PLXNA4: variants seen among roughly 807,000 people sequenced by gnomAD.
The protein encoded by PLXNA4 is plexin A4.
PLXNA4 carries 44 observed loss-of-function variants against 191.8 expected under a neutral mutation model. That is an observed-to-expected ratio of 0.23 (90% confidence interval 0.18 to 0.29). PLXNA4 has a LOEUF of 0.29. Among genes scored for constraint, PLXNA4 ranks in the 10% least tolerant of loss-of-function variants. The pLI is 1.00. For missense variants in PLXNA4, 1,800 were observed against 2,488.8 expected (o/e 0.72, Z 5.89); for synonymous variants, 1,082 against 1,009.5 (o/e 1.07, Z -1.36).
At chr7:132,304,182 G>T (rs1347453412) in intron 3 of PLXNA4, among the ~76,000 whole-genome samples, 1 of 152,132 alleles carries the variant, frequency 6.6e-6, no homozygotes, top group Non-Finnish European at 1.5e-5. Flanking sequence ...TTGGAAAAAG[G>T]GCGTCTGAGG....
rs897241835 is a variant in PLXNA4, at chr7:132,124,309, G to T, written c.*6170C>A. Reference sequence around the variant, plus strand: ...TAGAACGTCGGGGAGGGAGAGGAAAGGAGGACAGACAGATGAGCACGTGTA... The same window carrying T: ...TAGAACGTCGGGGAGGGAGAGGAAATGAGGACAGACAGATGAGCACGTGTA... On this transcript the variant is annotated 3_prime_UTR_variant, in exon 32 of 32. Transcript: ENST00000321063. 6.6e-6 allele frequency: 1 copy of T among 152,202 alleles called. No individual in the cohort carries two copies. Among genetic ancestry groups the T allele is most frequent in the Non-Finnish European group, 1.5e-5 (1 of 68,038 alleles). 9.4% of individuals were successfully genotyped at this position (152,202 alleles called of 1,614,324 possible).
At chr7:132,469,119 CAAAAAAAA>C (rs5887577) in intron 3 of PLXNA4, among the ~76,000 whole-genome samples, 2 of 87,386 alleles carry the variant, frequency 2.3e-5, no homozygotes, top group East Asian at 3.1e-4. Context: ...GCACACCAAC[CAAAAAAAA>C]AAAAAAAAAA....
intron 3 of PLXNA4, among the ~76,000 whole-genome samples, chr7:132,340,647 C>G: frequency 6.6e-6 from 1 of 152,168 alleles, no homozygotes; most frequent in East Asian, 1.9e-4. Context: ...AAATTGGAAA[C>G]AATAAAGAAC....
At chr7:132,542,885 A>G (rs1275921707) in intron 1 of PLXNA4, among the ~76,000 whole-genome samples, 1 of 152,190 alleles carries the variant, frequency 6.6e-6, no homozygotes, top group Non-Finnish European at 1.5e-5. Context: ...GTTTGCTGCC[A>G]AAACTTGTAA....
chr7:132,567,513 G>A (rs1288519906), intron 1 of PLXNA4, among the ~76,000 whole-genome samples: 1 of 152,154 alleles, frequency 6.6e-6, no homozygotes, highest in Admixed American at 6.5e-5. Context: ...CTGACTTGAT[G>A]TGATCCCTAC....
intron 3 of PLXNA4, among the ~76,000 whole-genome samples, chr7:132,311,156 T>TTGTGTGTGTGTGTGTGTGTGTGTGTG (rs749947062): frequency 7.6e-6 from 1 of 132,040 alleles, no homozygotes; most frequent in Non-Finnish European, 1.6e-5. Flanking sequence ...TCTAGGATAA[T>TTGTGTGTGTGTGTGTGTGTGTGTGTG]TGTGTGTGTG....
Position 132,181,411 on chromosome 7 carries a change from C to T in PLXNA4, c.3462G>A (p.Glu1154=). Reference sequence around the variant, plus strand: ...GGATGATGGGCGTGCCAGGCTTGAGCTCCAGGATTCCTGAGGGACCAAAGG... The same window carrying T: ...GGATGATGGGCGTGCCAGGCTTGAGTTCCAGGATTCCTGAGGGACCAAAGG... ...FEAFGPSGIL[E]LKPGTPIILK... is the part of the protein sequence containing the mutation. The change falls in exon 18 of 32, where the codon GAG becomes GAA. Residue 1154 remains glutamate, a synonymous_variant. Coordinates refer to ENST00000321063, the MANE Select transcript of PLXNA4 (RefSeq NM_020911.2). 1 of 1,614,112 alleles carries T rather than the reference C, an allele frequency of 6.2e-7. No individual in the cohort carries two copies. The highest frequency in any genetic ancestry group is 8.5e-7 in the Non-Finnish European group (1 of 1,180,000).
At chr7:132,148,721 T>C (rs989287513) in intron 25 of PLXNA4, 75 bp from the exon 26 acceptor site, 1 of 1,600,084 alleles carries the variant, frequency 6.2e-7, no homozygotes, top group African/African-American at 1.3e-5. Context: ...CCTGTGTAGG[T>C]ACCTATGCAG....
rs372445537 is a variant in PLXNA4 at position 132,340,635 on chromosome 7, G to A, written c.1372-42413C>T. ...GATGGGAAAGAGCACAAGAGAATTG[G>A]GAAATTGGAAACAATAAAGAACCTC... On this transcript the variant is annotated intron_variant, in intron 3 of 31. Transcript: ENST00000321063. 2.0e-5 allele frequency among the ~76,000 whole-genome samples: 3 copies of A among 152,210 alleles called. No individual in the cohort carries two copies. In the East Asian group the frequency reaches 5.8e-4, roughly 29 times the overall value.
chr7:132,324,623 C>T (rs1289149820), intron 3 of PLXNA4, among the ~76,000 whole-genome samples: 2 of 152,172 alleles, frequency 1.3e-5, no homozygotes, highest in African/African-American at 4.8e-5. Flanking sequence ...CAGAATAAAT[C>T]TCCCTCTTCT....
At chr7:132,163,858 C>T (rs1796019939) in intron 24 of PLXNA4, among the ~76,000 whole-genome samples, 1 of 152,222 alleles carries the variant, frequency 6.6e-6, no homozygotes, top group African/African-American at 2.4e-5. Flanking sequence ...GGGTCAAGGG[C>T]TTTGACCCTA....
intron 25 of PLXNA4, among the ~76,000 whole-genome samples, chr7:132,155,695 C>G (rs763308974): frequency 1.3e-5 from 2 of 152,158 alleles, no homozygotes; most frequent in Admixed American, 6.5e-5. Context: ...CCGCTGTGGT[C>G]GCTGTCCTTC....
chr7:132,312,951 T>C (rs1025577008), intron 3 of PLXNA4, among the ~76,000 whole-genome samples: 3 of 152,194 alleles, frequency 2.0e-5, no homozygotes, highest in Non-Finnish European at 2.9e-5. Context: ...AGCTACGTCA[T>C]TGGCAAAGGA....
intron 10 of PLXNA4, among the ~76,000 whole-genome samples, chr7:132,208,574 T>G (rs1797700214): frequency 6.6e-6 from 1 of 151,976 alleles, no homozygotes; most frequent in Non-Finnish European, 1.5e-5. Flanking sequence ...CTCTTCTTGG[T>G]GAAGGGAGCC....
chr7:132,334,446 C>T (rs575186088), intron 3 of PLXNA4, among the ~76,000 whole-genome samples: 6 of 151,462 alleles, frequency 4.0e-5, no homozygotes, highest in Admixed American at 6.6e-5. Context: ...TTTGTAGAGA[C>T]GGTGTCTCAC....
At chr7:132,152,533 C>T (rs755370724) in intron 25 of PLXNA4, among the ~76,000 whole-genome samples, 1 of 152,174 alleles carries the variant, frequency 6.6e-6, no homozygotes, top group Non-Finnish European at 1.5e-5. Flanking sequence ...GCCCTCTTTT[C>T]ACCAGATGGG....
At position 132,146,162 on chromosome 7, in the gene PLXNA4, G is replaced by A. The variant is rs962062125; in HGVS notation, c.5055+348C>T. ...GCCCCGACTTCCCCAACTTGAGATT[G>A]TAGATGATACCACAGAGAAGAAATC... On this transcript the variant is annotated intron_variant, in intron 28 of 31. Coordinates refer to ENST00000321063, the MANE Select transcript of PLXNA4 (RefSeq NM_020911.2). Among the ~76,000 whole-genome samples, 51 of 150,936 alleles carry A rather than the reference G, an allele frequency of 3.4e-4. 1 individual carries two copies. Among genetic ancestry groups the A allele is most frequent in the Middle Eastern group, 3.5e-3 (1 of 286 alleles).
chr7:132,506,378 T>C lies in PLXNA4; in HGVS notation c.1188+1128A>G, dbSNP rs139608205. Among the ~76,000 whole-genome samples, 722 of 152,244 alleles carry C rather than the reference T, an allele frequency of 4.7e-3. 5 individuals are homozygous for C. Among genetic ancestry groups the C allele is most frequent in the African/African-American group, 0.017 (698 of 41,530 alleles). On this transcript the variant is annotated intron_variant, in intron 2 of 31. Transcript: ENST00000321063. Reference sequence around the variant, plus strand: ...TGGAACTCCACCAAAGTTTAAGGAGTCAAGAATCACATCAGTATGGATGCG... The same window carrying C: ...TGGAACTCCACCAAAGTTTAAGGAGCCAAGAATCACATCAGTATGGATGCG...
intron 1 of PLXNA4, among the ~76,000 whole-genome samples, chr7:132,544,150 AAG>A (rs1278354927): frequency 6.6e-6 from 1 of 152,220 alleles, no homozygotes; most frequent in Non-Finnish European, 1.5e-5. Context: ...AGACAAGGGA[AAG>A]AGATTATGAG....
Sources: allele counts gnomAD v4.1 joint callset (sites outside exome capture counted in the v4.1 genomes callset), GRCh38; gene constraint gnomAD v4.1.1; transcripts MANE v1.5; gene names NCBI Gene and HGNC (gene_info 2026-07-23, HGNC 2026-07-21).